RAB3A: variants seen among roughly 807,000 people sequenced by gnomAD.
RAB3A encodes ras-related protein Rab-3A.
A neutral mutation model predicts 19.7 loss-of-function variants in RAB3A; 5 were observed. The observed-to-expected ratio is 0.25, with a 90% CI of 0.13 to 0.53. RAB3A has a LOEUF of 0.53. RAB3A is among the 20% of genes least tolerant of loss of function. The probability of loss-of-function intolerance (pLI) is 0.95; values close to 1 mark genes in which losing one functional copy is unlikely to be tolerated. For missense variants in RAB3A, 189 were observed against 305.6 expected (o/e 0.62, Z 2.85); for synonymous variants, 119 against 122.1 (o/e 0.97, Z 0.17).
rs936278707 is a variant in RAB3A at position 18,202,813 on chromosome 19, G to A, written c.1-73C>T. 4 of 1,251,272 alleles carry A rather than the reference G, an allele frequency of 3.2e-6. No individual in the cohort carries two copies. In the African/African-American group the frequency reaches 5.9e-5, roughly 19 times the overall value. 77.5% of individuals were successfully genotyped at this position (1,251,272 alleles called of 1,614,324 possible). ...CTCATGTGCCCAAGCCCAGGCAGAA[G>A]ATGGCAAGGGCTCCAGAAAACGGCC... On this transcript the variant is annotated intron_variant, in intron 1 of 4. Coordinates refer to ENST00000222256, the MANE Select transcript of RAB3A (RefSeq NM_002866.5). This position sits in a 1 kb window ranked among gnomAD's most constrained non-coding sequence, Gnocchi z 4.2.
rs1967635411 is a variant in RAB3A at position 18,202,992 on chromosome 19, G to A, written c.1-252C>T. 3 of 478,608 alleles carry A rather than the reference G, an allele frequency of 6.3e-6. No individual in the cohort carries two copies. Among genetic ancestry groups the A allele is most frequent in the Non-Finnish European group, 1.1e-5 (3 of 264,638 alleles). The allele number at this position is 478,608 out of a possible 1,614,324, so 29.6% of individuals were successfully genotyped here. On this transcript the variant is annotated intron_variant, in intron 1 of 4. Transcript: ENST00000222256. This position sits in a 1 kb window ranked among gnomAD's most constrained non-coding sequence, Gnocchi z 4.2. ...GGACACCCCAGCAGCCCCCTTCAAG[G>A]GGCAGGTGCCCCAGGTGGGGCTGTA...
At chr19:18,199,787 G>A (rs1002152565) in intron 3 of RAB3A, among the ~76,000 whole-genome samples, 4 of 151,824 alleles carry the variant, frequency 2.6e-5, no homozygotes, top group Admixed American at 6.6e-5. Context: ...GCCTCCCAAA[G>A]TGCTGGGATT....
chr19:18,197,110 G>A lies in RAB3A; in HGVS notation c.*360C>T, dbSNP rs1007194981. On this transcript the variant is annotated 3_prime_UTR_variant, in exon 5 of 5. Transcript: ENST00000222256. ...CCCATTGCCCGATCAGCCTGCTTTAGGGTGTCATCTGGCCCCTCTTCACAA... is the reference window on the plus strand; with the variant it reads ...CCCATTGCCCGATCAGCCTGCTTTAAGGTGTCATCTGGCCCCTCTTCACAA... 5.3e-5 allele frequency: 13 copies of A among 243,028 alleles called. No homozygotes were observed. The highest frequency in any genetic ancestry group is 1.0e-4 in the Non-Finnish European group (13 of 128,048). The allele number at this position is 243,028 out of a possible 1,614,324, so 15.1% of individuals were successfully genotyped here. A position where few individuals can be genotyped will look rare whatever the true frequency, so the allele number is the denominator to read the frequency against.
At position 18,202,687 on chromosome 19, in the gene RAB3A, G is replaced by A; in HGVS notation, c.54C>T (p.Asn18=). The A allele has an allele frequency of 6.2e-7, 1 of 1,614,198 alleles. No individual in the cohort carries two copies. Among genetic ancestry groups the A allele is most frequent in the South Asian group, 1.1e-5 (1 of 91,088 alleles). Residue 18 remains asparagine (N), a synonymous_variant, in exon 2 of 5, where the codon AAC becomes AAT. Coordinates refer to ENST00000222256, the MANE Select transcript of RAB3A (RefSeq NM_002866.5). This position sits in a 1 kb window ranked among gnomAD's most constrained non-coding sequence, Gnocchi z 4.2. Reference sequence around the variant, plus strand: ...TGAGAATCTTGAACATGTAGTCGAAGTTCTGATCCGAGGACTCCTTCTGCC... The same window carrying A: ...TGAGAATCTTGAACATGTAGTCGAAATTCTGATCCGAGGACTCCTTCTGCC... The part of the protein sequence containing the change: ...RYGQKESSDQ[N]FDYMFKILII...
chr19:18,203,679 C>T (rs759071069), intron 1 of RAB3A, among the ~76,000 whole-genome samples: 2 of 152,352 alleles, frequency 1.3e-5, no homozygotes, highest in East Asian at 1.9e-4. Flanking sequence ...CTCCCCTCCC[C>T]CTCCGCCGCA....
chr19:18,201,291 G>GAAAGAAAGA (rs1967607975), intron 2 of RAB3A, among the ~76,000 whole-genome samples: 5 of 140,586 alleles, frequency 3.6e-5, no homozygotes, highest in Non-Finnish European at 7.7e-5. Flanking sequence ...AAGAAAGAAA[G>GAAAGAAAGA]AAAACAGAGG....
At position 18,202,056 on chromosome 19, in the gene RAB3A, C is replaced by T. The variant is rs1327840028; in HGVS notation, c.228+457G>A. ...AAGACCAGCCTGGGCAGACATAGCC[C>T]GACCCTGTCTCTACAAAAAAGAAAA... On this transcript the variant is annotated intron_variant, in intron 2 of 4. Transcript: ENST00000222256. This position sits in a 1 kb window ranked among gnomAD's most constrained non-coding sequence, Gnocchi z 4.2. Among the ~76,000 whole-genome samples, 3 of 151,884 alleles carry T rather than the reference C, an allele frequency of 2.0e-5. No individual in the cohort carries two copies. Among genetic ancestry groups the T allele is most frequent in the Non-Finnish European group, 4.4e-5 (3 of 67,990 alleles).
chr19:18,197,224 C>T lies in RAB3A; in HGVS notation c.*246G>A. 1 of 461,786 alleles carries T rather than the reference C, an allele frequency of 2.2e-6. No individual in the cohort carries two copies. Among genetic ancestry groups the T allele is most frequent in the Non-Finnish European group, 3.8e-6 (1 of 264,842 alleles). The allele number at this position is 461,786 out of a possible 1,614,324, so 28.6% of individuals were successfully genotyped here. ...GCGGTGAGTTCACGGGGCCACGAGA[C>T]ACCACAGCTGAGTGGGGAAAGGGCT... On this transcript the variant is annotated 3_prime_UTR_variant, in exon 5 of 5. Coordinates refer to ENST00000222256, the MANE Select transcript of RAB3A (RefSeq NM_002866.5).
Position 18,202,319 on chromosome 19 carries a change from G to A in RAB3A, c.228+194C>T. 2 of 558,840 alleles carry A rather than the reference G, an allele frequency of 3.6e-6. No individual in the cohort carries two copies. The highest frequency in any genetic ancestry group is 6.4e-6 in the Non-Finnish European group (2 of 312,038). 34.6% of individuals were successfully genotyped at this position (558,840 alleles called of 1,614,324 possible). On this transcript the variant is annotated intron_variant, in intron 2 of 4. Coordinates refer to ENST00000222256, the MANE Select transcript of RAB3A (RefSeq NM_002866.5). The surrounding 1 kb of genome is among the most constrained non-coding windows in gnomAD (Gnocchi z 4.2). ...AAGAACTTGAAGATGGGGAAACTGA[G>A]GGACCAGGATTAGGTGCTTATGGGA... is the stretch of plus-strand genomic sequence containing the variant.
rs796306589 is a variant in RAB3A, at chr19:18,201,252, A to C, written c.229-807T>G. 2.6e-3 allele frequency among the ~76,000 whole-genome samples: 189 copies of C among 73,052 alleles called. 2 individuals carry two copies. The highest frequency in any genetic ancestry group is 5.9e-3 in the African/African-American group (136 of 22,892). The allele number at this position is 73,052 out of a possible 152,430, so 47.9% of individuals were successfully genotyped here. ...CTCCGTCTCAAAACAATAACAACAAAAAAAAAAAAAAAAAGAAAGAAAGAA... is the reference window on the plus strand; with the variant it reads ...CTCCGTCTCAAAACAATAACAACAACAAAAAAAAAAAAAAGAAAGAAAGAA... On this transcript the variant is annotated intron_variant, in intron 2 of 4. Transcript: ENST00000222256.
In RAB3A at chr19:18,202,869, G is replaced by A. The variant is rs1967633040; in HGVS notation, c.1-129C>T. The A allele has an allele frequency of 1.5e-6, 1 of 682,362 alleles. No individual in the cohort carries two copies. Among genetic ancestry groups the A allele is most frequent in the Non-Finnish European group, 2.5e-6 (1 of 392,384 alleles). 42.3% of individuals were successfully genotyped at this position (682,362 alleles called of 1,614,324 possible). On this transcript the variant is annotated intron_variant, in intron 1 of 4. Transcript: ENST00000222256. The surrounding 1 kb of genome is among the most constrained non-coding windows in gnomAD (Gnocchi z 4.2). The stretch of plus-strand genomic sequence containing the variant: ...ATGGAGGACACCCTTATCCCATCAG[G>A]AGCCCCAGTATTAATTGGTGGTGCC...
intron 4 of RAB3A, among the ~76,000 whole-genome samples, chr19:18,198,509 G>A (rs757961161): frequency 3.9e-5 from 6 of 152,130 alleles, no homozygotes; most frequent in Non-Finnish European, 4.4e-5. Context: ...CCAACAAAGC[G>A]TTGGACGGTG....
Position 18,200,370 on chromosome 19 carries a change from A to G in RAB3A, c.304T>C (p.Tyr102His). ...AAGGATTCCTCGTTGGTGATGTCAT[A>G]CATGAGGATGAAGCCCATAGCGCCC... Reference protein sequence around the residue: ...YRGAMGFILMYDITNEESFNA... With the variant: ...YRGAMGFILMHDITNEESFNA... The change falls in exon 3 of 5, where the codon TAT becomes CAT. Residue 102 changes from tyrosine (Y) to histidine (H), a missense_variant. Coordinates refer to ENST00000222256, the MANE Select transcript of RAB3A (RefSeq NM_002866.5). 1 of 1,614,106 alleles carries G rather than the reference A, an allele frequency of 6.2e-7. No individual in the cohort carries two copies. The highest frequency in any genetic ancestry group is 8.5e-7 in the Non-Finnish European group (1 of 1,179,968).
chr19:18,200,312 G>T lies in RAB3A; in HGVS notation c.347+15C>A, dbSNP rs753292110. On this transcript the variant is annotated intron_variant, in intron 3 of 4. Transcript: ENST00000222256. ...AAAAGAAAAGAAAAAAAAAGAGCAA[G>T]TGGGGTACACTCACCAGTCCTGCAC... The T allele has an allele frequency of 4.5e-6, 7 of 1,562,194 alleles. No homozygotes were observed. The South Asian group carries it at 8.1e-5, about 18-fold the overall frequency.
chr19:18,197,418 T>G lies in RAB3A; in HGVS notation c.*52A>C. On this transcript the variant is annotated 3_prime_UTR_variant, in exon 5 of 5. Coordinates refer to ENST00000222256, the MANE Select transcript of RAB3A (RefSeq NM_002866.5). ...TAGGGGCCGGGTCAGGCCCGGGTAG[T>G]TGGGGGAAGGTGGGGAAGACAGGGA... 4 of 1,559,902 alleles carry G rather than the reference T, an allele frequency of 2.6e-6. No individual in the cohort carries two copies. Among genetic ancestry groups the G allele is most frequent in the Non-Finnish European group, 3.5e-6 (4 of 1,146,832 alleles).
chr19:18,199,306 G>C (rs139760676), intron 3 of RAB3A, among the ~76,000 whole-genome samples: 83 of 152,042 alleles, frequency 5.5e-4, no homozygotes, highest in African/African-American at 1.8e-3. Flanking sequence ...ATAGGCATGA[G>C]CCACCATGCC....
intron 2 of RAB3A, among the ~76,000 whole-genome samples, chr19:18,201,249 CAAAAAAAAA>C (rs111370852): frequency 8.8e-6 from 1 of 113,232 alleles, no homozygotes; most frequent in Admixed American, 9.3e-5. Flanking sequence ...ACAATAACAA[CAAAAAAAAA>C]AAAAAAAAGA....
At chr19:18,197,809 A>T (rs550056843) in intron 4 of RAB3A, 149 bp from the exon 5 acceptor site, 6 of 116,908 alleles carry the variant, frequency 5.1e-5, no homozygotes, top group African/African-American at 2.6e-4. Flanking sequence ...GAAGAAACTT[A>T]TTGAAGGTAC....
chr19:18,200,019 G>A (rs569859827), intron 3 of RAB3A, among the ~76,000 whole-genome samples: 10 of 152,230 alleles, frequency 6.6e-5, no homozygotes, highest in South Asian at 4.1e-4. Flanking sequence ...GATGGCTCAC[G>A]CCTGTAATCC....
Sources: gnomAD v4.1 joint callset for allele counts (sites outside exome capture counted in the v4.1 genomes callset) on GRCh38, gnomAD v4.1.1 for gene constraint, Gnocchi (gnomAD v3.1) non-coding constraint, MANE v1.5 for transcripts, NCBI Gene and HGNC (gene_info 2026-07-23, HGNC 2026-07-21) for gene names.